LRP8: variants seen among roughly 807,000 people sequenced by gnomAD.
The protein encoded by LRP8 is low-density lipoprotein receptor-related protein 8.
Under a neutral mutation model 111.6 loss-of-function variants are expected in LRP8, and 46 were observed. The observed-to-expected ratio is 0.41, with a 90% CI of 0.33 to 0.53. LRP8 has a LOEUF of 0.53. LRP8 is among the 20% of genes least tolerant of loss of function. The probability of loss-of-function intolerance (pLI) is 0.20; values close to 1 mark genes in which losing one functional copy is unlikely to be tolerated. For missense variants in LRP8, 959 were observed against 1,297.4 expected, an observed-to-expected ratio of 0.74 and a Z score of 4.01; for synonymous variants, 464 against 511.2, an observed-to-expected ratio of 0.91 and a Z score of 1.24.
intron 2 of LRP8, 29 bp from the exon 3 acceptor site, chr1:53,289,718 G>A (rs762497214): frequency 6.2e-7 from 1 of 1,612,150 alleles, no homozygotes; most frequent in South Asian, 1.1e-5. Context: ...AGCGTGGTGA[G>A]CCTGGGAGCA....
At chr1:53,277,256 G>C (rs1446022426) in intron 4 of LRP8, among the ~76,000 whole-genome samples, 178 bp from the exon 5 acceptor site, 1 of 152,216 alleles carries the variant, frequency 6.6e-6, no homozygotes, top group African/African-American at 2.4e-5. Context: ...ACACGGACAT[G>C]CTAGGTGACT....
At position 53,250,901 on chromosome 1, in the gene LRP8, T is replaced by C. The variant is rs1253232488; in HGVS notation, c.2504-39A>G. On this transcript the variant is annotated intron_variant, in intron 16 of 18. Transcript: ENST00000306052. The surrounding 1 kb of genome is among the most constrained non-coding windows in gnomAD (Gnocchi z 4.6). Reference sequence around the variant, plus strand: ...ACAGGACACTGGACCTCCAGCAGGCTCCAACCCACTGCTCAGACATCTGTA... The same window carrying C: ...ACAGGACACTGGACCTCCAGCAGGCCCCAACCCACTGCTCAGACATCTGTA... 1 of 1,577,760 alleles carries C rather than the reference T, an allele frequency of 6.3e-7. No homozygotes were observed. Among genetic ancestry groups the C allele is most frequent in the Non-Finnish European group, 8.7e-7 (1 of 1,147,606 alleles).
In LRP8 at chr1:53,275,782, C is replaced by A. The variant is rs1284367344; in HGVS notation, c.884-29G>T. The A allele has an allele frequency of 6.8e-6, 11 of 1,612,012 alleles. No homozygotes were observed. The highest frequency in any genetic ancestry group is 9.3e-6 in the Non-Finnish European group (11 of 1,179,130). On this transcript the variant is annotated intron_variant, in intron 5 of 18. Transcript: ENST00000306052. This position sits in a 1 kb window ranked among gnomAD's most constrained non-coding sequence, Gnocchi z 4.4. The stretch of plus-strand genomic sequence containing the variant: ...CCAGGAGAGGGCAAGGGGAGAGGAT[C>A]AGAGTCAGTGTGGTGCTAGGACAAT...
At chr1:53,258,278 T>C (rs1646179381) in intron 14 of LRP8, 41 bp downstream of exon 14, 1 of 1,596,932 alleles carries the variant, frequency 6.3e-7, no homozygotes, top group African/African-American at 1.3e-5. Context: ...GGGTAGGGTC[T>C]GACACTGCCA....
intron 2 of LRP8, chr1:53,305,364 G>A (rs988339336): frequency 1.3e-5 from 2 of 152,340 alleles, no homozygotes; most frequent in African/African-American, 2.4e-5. Context: ...TTCAGTGACC[G>A]AAGTTCCTCC....
chr1:53,262,385 C>T lies in LRP8; in HGVS notation c.1774+61G>A, dbSNP rs1646373634. On this transcript the variant is annotated intron_variant, in intron 11 of 18. Transcript: ENST00000306052. This position sits in a 1 kb window ranked among gnomAD's most constrained non-coding sequence, Gnocchi z 4.8. ...CCCAGAAACAAGACTCATGGAGTTC[C>T]AGACAGTGATCAGGACAAGGCACTA... 7.1e-6 allele frequency: 11 copies of T among 1,555,192 alleles called. No individual in the cohort carries two copies. Among genetic ancestry groups the T allele is most frequent in the Non-Finnish European group, 9.7e-6 (11 of 1,128,998 alleles).
chr1:53,271,200 G>T (rs908360225), intron 7 of LRP8, 27 bp downstream of exon 7: 1 of 1,613,986 alleles, frequency 6.2e-7, no homozygotes, highest in African/African-American at 1.3e-5. Flanking sequence ...ATCTGCTTCT[G>T]CTTGGGGGTG....
rs1648277805 is a variant in LRP8, at chr1:53,289,677, C to T, written c.257G>A (p.Cys86Tyr). 1 of 1,613,838 alleles carries T rather than the reference C, an allele frequency of 6.2e-7. No homozygotes were observed. The highest frequency in any genetic ancestry group is 1.1e-5 in the South Asian group (1 of 91,018). Residue 86 changes from cysteine (C) to tyrosine (Y), a missense_variant, in exon 3 of 19, where the codon TGT becomes TAT. Transcript: ENST00000306052. ...GTCACAGGTGAAGTCACTGTCTGCA[C>T]AGGTCTTCTTGGCTGCAGGGCAAGG... Reference protein sequence around the residue: ...SDEDDCPKKTCADSDFTCDNG... With the variant: ...SDEDDCPKKTYADSDFTCDNG...
At position 53,250,223 on chromosome 1, in the gene LRP8, A is replaced by G. The variant is rs1211617848; in HGVS notation, c.2676+467T>C. Among the ~76,000 whole-genome samples the G allele has an allele frequency of 6.6e-6, 1 of 152,254 alleles. No homozygotes were observed. The highest frequency in any genetic ancestry group is 1.5e-5 in the Non-Finnish European group (1 of 68,044). ...TATCTAATGTGGTGCTTGGCACATA[A>G]CTGGCATACAGTATTGAAATGAATA... On this transcript the variant is annotated intron_variant, in intron 17 of 18. Transcript: ENST00000306052. The surrounding 1 kb of genome is among the most constrained non-coding windows in gnomAD (Gnocchi z 4.6).
intron 18 of LRP8, among the ~76,000 whole-genome samples, chr1:53,247,617 C>A (rs990081888): frequency 5.9e-5 from 9 of 152,226 alleles, no homozygotes; most frequent in African/African-American, 2.2e-4. Context: ...AGACTCCTGT[C>A]TGCCAAAAAT....
chr1:53,246,440 G>A lies in LRP8; in HGVS notation c.*578C>T. On this transcript the variant is annotated 3_prime_UTR_variant, in exon 19 of 19. Transcript: ENST00000306052. ...CATACACACACAGAGTCTGTGTGGT[G>A]GGCCAAACATGCCAAAAATAAATAC... 1 of 152,052 alleles carries A rather than the reference G, an allele frequency of 6.6e-6. No individual in the cohort carries two copies. The highest frequency in any genetic ancestry group is 1.5e-5 in the Non-Finnish European group (1 of 68,120). 9.4% of individuals were successfully genotyped at this position (152,052 alleles called of 1,614,324 possible). A position where few individuals can be genotyped will look rare whatever the true frequency, so the allele number is the denominator to read the frequency against.
intron 2 of LRP8, among the ~76,000 whole-genome samples, chr1:53,290,734 C>T (rs1208810324): frequency 6.6e-6 from 1 of 152,178 alleles, no homozygotes; most frequent in Non-Finnish European, 1.5e-5. Context: ...TCTTCCCAAG[C>T]AGCAGCACAG....
At chr1:53,319,801 A>G (rs1183713259) in intron 2 of LRP8, among the ~76,000 whole-genome samples, 3 of 152,238 alleles carry the variant, frequency 2.0e-5, no homozygotes, top group Non-Finnish European at 4.4e-5. Context: ...AGGGCGCCCA[A>G]GGGGCTGGGC....
At chr1:53,265,076 GACGTTACA>G (rs1219186820) in intron 9 of LRP8, among the ~76,000 whole-genome samples, 1 of 152,170 alleles carries the variant, frequency 6.6e-6, no homozygotes, top group African/African-American at 2.4e-5. Context: ...TGGTTAGGAG[GACGTTACA>G]GCATCTGGGT....
intron 10 of LRP8, among the ~76,000 whole-genome samples, chr1:53,263,699 A>T (rs1646434505): frequency 6.6e-6 from 1 of 152,184 alleles, no homozygotes; most frequent in Non-Finnish European, 1.5e-5. Context: ...GACATGTTTT[A>T]TGTAACTCCA....
chr1:53,287,389 G>A (rs746170907), intron 3 of LRP8, among the ~76,000 whole-genome samples: 6 of 152,218 alleles, frequency 3.9e-5, no homozygotes, highest in Non-Finnish European at 7.3e-5. Flanking sequence ...CACAAGCAAG[G>A]GGGAAAGGGG....
intron 3 of LRP8, among the ~76,000 whole-genome samples, chr1:53,283,422 C>CGCTT (rs1553183738): frequency 5.5e-5 from 8 of 144,506 alleles, no homozygotes; most frequent in Admixed American, 1.5e-4. Flanking sequence ...ATACCCGGGC[C>CGCTT]ACTTACTTAC....
At chr1:53,256,466 C>T (rs1292288574) in intron 15 of LRP8, among the ~76,000 whole-genome samples, 1 of 152,242 alleles carries the variant, frequency 6.6e-6, no homozygotes, top group East Asian at 1.9e-4. Flanking sequence ...CTCCATCTGC[C>T]TCTGCAAACT....
rs1653995687 is a variant in LRP8 at position 53,317,761 on chromosome 1, T to G, written c.244+9112A>C. Among the ~76,000 whole-genome samples the G allele has an allele frequency of 6.6e-6, 1 of 152,186 alleles. No homozygotes were observed. The highest frequency in any genetic ancestry group is 2.1e-4 in the South Asian group (1 of 4,824). On this transcript the variant is annotated intron_variant, in intron 2 of 18. Transcript: ENST00000306052. This position sits in a 1 kb window ranked among gnomAD's most constrained non-coding sequence, Gnocchi z 4.9. ...CCGCTTTCGGAAAGTCTCATGAAGC[T>G]GGTGGGCCTCACTCCATTTTTCTCC...
Sources: allele counts gnomAD v4.1 joint callset (sites outside exome capture counted in the v4.1 genomes callset), GRCh38; gene constraint gnomAD v4.1.1; non-coding constraint Gnocchi (gnomAD v3.1); transcripts MANE v1.5; gene names NCBI Gene and HGNC (gene_info 2026-07-23, HGNC 2026-07-21).